Variants in NDP observed in about 807,000 individuals in gnomAD.
NDP encodes the protein norrin.
In NDP, 2 loss-of-function variants were observed where a neutral mutation model predicts 8.4. The observed-to-expected ratio is 0.24, with a 90% CI of 0.10 to 0.75. The LOEUF (loss-of-function observed/expected upper bound fraction) is 0.75. Ranked by LOEUF, NDP falls within the 30% of genes least tolerant of loss-of-function variation. The pLI is 0.73. For missense variants in NDP, 81 were observed against 110.1 expected (o/e 0.74, Z 1.18); for synonymous variants, 55 against 45.6 (o/e 1.21, Z -0.83).
chrX:43,949,445 C>G lies in NDP; in HGVS notation c.*354G>C. On this transcript the variant is annotated 3_prime_UTR_variant, in exon 3 of 3. Coordinates refer to ENST00000642620, the MANE Select transcript of NDP (RefSeq NM_000266.4). ...CTTTCCAAAGTAAATTCTTCCCCAG[C>G]GTGCACCAAACACTGACAGCCTGAC... is the stretch of plus-strand genomic sequence containing the variant. 4.2e-6 allele frequency: 1 copy of G among 237,621 alleles called. No individual in the cohort carries two copies. The highest frequency in any genetic ancestry group is 7.6e-6 in the Non-Finnish European group (1 of 131,054). The allele number at this position is 237,621 out of a possible 1,213,427, so 19.6% of individuals were successfully genotyped here.
chrX:43,954,497 T>C (rs2035781290), intron 2 of NDP: 1 of 111,746 alleles, frequency 8.9e-6, no homozygotes, highest in Non-Finnish European at 1.9e-5. Context: ...TGTCTCTTTT[T>C]TCTTTCTTTC....
Position 43,958,743 on chromosome X carries a change from G to C in NDP, c.-98C>G. The C allele has an allele frequency of 1.4e-6, 1 of 737,652 alleles. No individual in the cohort carries two copies. Among genetic ancestry groups the C allele is most frequent in the Non-Finnish European group, 2.1e-6 (1 of 479,401 alleles). 60.8% of individuals were successfully genotyped at this position (737,652 alleles called of 1,213,427 possible). A position where few individuals can be genotyped will look rare whatever the true frequency, so the allele number is the denominator to read the frequency against. ...CTCCTAGGATCCAGTCCCGTTCAAG[G>C]AAAGGGCAGGATCGGGCTGAAGCTT... On this transcript the variant is annotated 5_prime_UTR_variant, in exon 2 of 3. Coordinates refer to ENST00000642620, the MANE Select transcript of NDP (RefSeq NM_000266.4).
chrX:43,950,145 G>T, intron 2 of NDP, 119 bp from the exon 3 acceptor site: 1 of 605,281 alleles, frequency 1.7e-6, no homozygotes, highest in Non-Finnish European at 2.7e-6. Flanking sequence ...TAGACCAGTG[G>T]CTCAATGCAT....
intron 1 of NDP, among the ~76,000 whole-genome samples, chrX:43,967,610 G>T (rs769704333): frequency 2.7e-5 from 3 of 111,374 alleles, no homozygotes; most frequent in African/African-American, 9.8e-5. Flanking sequence ...TATTGAAAGG[G>T]CAGCAGCAGA....
At chrX:43,957,679 C>T (rs899901886) in intron 2 of NDP, among the ~76,000 whole-genome samples, 1 of 108,976 alleles carries the variant, frequency 9.2e-6, no homozygotes, top group African/African-American at 3.4e-5. Context: ...AAGTGATTTT[C>T]ATCTCAAAAC....
Position 43,949,733 on chromosome X carries a change from C to A in NDP, c.*66G>T, listed in dbSNP as rs2035748943. On this transcript the variant is annotated 3_prime_UTR_variant, in exon 3 of 3. Coordinates refer to ENST00000642620, the MANE Select transcript of NDP (RefSeq NM_000266.4). ...TTGCCTTAACTCTTTTCTTGCCAGT[C>A]TTTCCCTGGCTGGTCGAACTGCCTC... 9.5e-7 allele frequency: 1 copy of A among 1,051,701 alleles called. No individual in the cohort carries two copies. The highest frequency in any genetic ancestry group is 1.9e-5 in the African/African-American group (1 of 54,047). 86.7% of individuals were successfully genotyped at this position (1,051,701 alleles called of 1,213,427 possible).
intron 1 of NDP, among the ~76,000 whole-genome samples, chrX:43,964,765 C>T (rs1325732519): frequency 8.9e-6 from 1 of 112,010 alleles, no homozygotes; most frequent in Non-Finnish European, 1.9e-5. Context: ...CTTGCCTTTT[C>T]TAGGACTCAA....
At chrX:43,968,528 G>A (rs2035871428) in intron 1 of NDP, among the ~76,000 whole-genome samples, 1 of 112,463 alleles carries the variant, frequency 8.9e-6, no homozygotes, top group Non-Finnish European at 1.9e-5. Flanking sequence ...CCCACCCTTT[G>A]TTTTCTCCTG....
chrX:43,956,254 C>G (rs1173597994), intron 2 of NDP, among the ~76,000 whole-genome samples: 1 of 111,705 alleles, frequency 9.0e-6, no homozygotes, highest in African/African-American at 3.3e-5. Context: ...CTTTACAAGG[C>G]CAGATAATGG....
chrX:43,953,840 A>C (rs1490748872), intron 2 of NDP, among the ~76,000 whole-genome samples: 1 of 112,717 alleles, frequency 8.9e-6, no homozygotes, highest in South Asian at 3.6e-4. Context: ...GCATATGCCA[A>C]CTCACAGACT....
chrX:43,959,167 C>T (rs2035812380), intron 1 of NDP, among the ~76,000 whole-genome samples: 3 of 111,696 alleles, frequency 2.7e-5, no homozygotes, highest in South Asian at 3.8e-4. Context: ...CTGGCAACAA[C>T]GTAACCGAAT....
intron 2 of NDP, among the ~76,000 whole-genome samples, chrX:43,957,782 C>G (rs1416386986): frequency 2.0e-5 from 2 of 101,734 alleles, no homozygotes; most frequent in Admixed American, 1.1e-4. Flanking sequence ...GGGGCAGTGA[C>G]AGTCGTGAGA....
chrX:43,970,254 C>G (rs1045582575), intron 1 of NDP, among the ~76,000 whole-genome samples: 6 of 112,263 alleles, frequency 5.3e-5, no homozygotes, highest in African/African-American at 1.9e-4. Flanking sequence ...TCTGCCTTAG[C>G]ACTTCACAGT....
intron 1 of NDP, chrX:43,966,713 G>A (rs1168210200): frequency 1.8e-5 from 2 of 111,980 alleles, no homozygotes; most frequent in Non-Finnish European, 3.8e-5. Flanking sequence ...GAGGAGAGGT[G>A]ACCAATGTTA....
chrX:43,949,047 A>T lies in NDP; in HGVS notation c.*752T>A, dbSNP rs957083085. The T allele has an allele frequency of 8.9e-6, 1 of 112,652 alleles. No individual in the cohort carries two copies. The highest frequency in any genetic ancestry group is 3.2e-5 in the African/African-American group (1 of 30,862). 9.3% of individuals were successfully genotyped at this position (112,652 alleles called of 1,213,427 possible). On this transcript the variant is annotated 3_prime_UTR_variant, in exon 3 of 3. Coordinates refer to ENST00000642620, the MANE Select transcript of NDP (RefSeq NM_000266.4). Reference sequence around the variant, plus strand: ...CCACTAGTACATATATGCCTTTTCCAGAGTCAGTGCAGGATCCGTATTTGT... The same window carrying T: ...CCACTAGTACATATATGCCTTTTCCTGAGTCAGTGCAGGATCCGTATTTGT...
At position 43,973,123 on chromosome X, in the gene NDP, T is replaced by C. The variant is rs2035900985; in HGVS notation, c.-208+181A>G. On this transcript the variant is annotated intron_variant, in intron 1 of 2. Transcript: ENST00000642620. ...GGAGGCTCCCTGCTCTGTCACAGAC[T>C]TCAAAGACCCGTTCATTTAAGAAAC... Among the ~76,000 whole-genome samples the C allele has an allele frequency of 5.3e-5, 6 of 113,088 alleles. No homozygotes were observed. The South Asian group carries it at 2.2e-3, about 41-fold the overall frequency.
intron 1 of NDP, among the ~76,000 whole-genome samples, chrX:43,962,671 C>T (rs1025786186): frequency 6.2e-5 from 7 of 112,013 alleles, no homozygotes; most frequent in African/African-American, 2.3e-4. Flanking sequence ...GAGAATGACT[C>T]TCTTGCTGAA....
chrX:43,971,685 GT>G (rs767333413), intron 1 of NDP, among the ~76,000 whole-genome samples: 6 of 111,548 alleles, frequency 5.4e-5, no homozygotes, highest in Non-Finnish European at 1.1e-4. Context: ...GCTAACCGCA[GT>G]TTTTTTAAAA....
intron 1 of NDP, among the ~76,000 whole-genome samples, chrX:43,967,251 G>A (rs557143515): frequency 1.8e-5 from 2 of 111,263 alleles, no homozygotes; most frequent in South Asian, 7.6e-4. Context: ...ATTCTGAAAA[G>A]GAGTAATTTT....
Sources: allele counts gnomAD v4.1 joint callset (sites outside exome capture counted in the v4.1 genomes callset), GRCh38; gene constraint gnomAD v4.1.1; transcripts MANE v1.5; gene names NCBI Gene and HGNC (gene_info 2026-07-23, HGNC 2026-07-21).